NOL4: variants seen among roughly 807,000 people sequenced by gnomAD.
NOL4 encodes the protein nucleolar protein 4.
In NOL4, 17 loss-of-function variants were observed where a neutral mutation model predicts 75.9. The ratio of observed to expected loss-of-function variants is 0.22; its 90% CI spans 0.15 to 0.34. The LOEUF is 0.34. Ranked by LOEUF, NOL4 falls within the 10% of genes least tolerant of loss-of-function variation. The pLI, the probability that NOL4 is intolerant of heterozygous loss-of-function variation, is 1.00. For synonymous variants in NOL4, 292 were observed against 289.9 expected (o/e 1.01, Z -0.07); for missense variants, 614 against 793.5 (o/e 0.77, Z 2.72).
chr18:34,166,303 C>T (rs1183726776), intron 1 of NOL4, among the ~76,000 whole-genome samples: 1 of 152,002 alleles, frequency 6.6e-6, no homozygotes, highest in East Asian at 1.9e-4. Context: ...ATTAATAAAA[C>T]AATAAAAGAA....
intron 1 of NOL4, chr18:34,222,266 C>G (rs1266023769): frequency 7.4e-7 from 1 of 1,352,232 alleles, no homozygotes; most frequent in African/African-American, 1.5e-5. Flanking sequence ...CATTCGATAG[C>G]GCCTAAACCC....
At chr18:34,052,292 T>C (rs1305259589) in intron 5 of NOL4, among the ~76,000 whole-genome samples, 1 of 152,010 alleles carries the variant, frequency 6.6e-6, no homozygotes, top group Non-Finnish European at 1.5e-5. Flanking sequence ...GGTTGATCTA[T>C]AAAAGTAAAA....
At chr18:34,043,617 T>C (rs2076234706) in intron 5 of NOL4, among the ~76,000 whole-genome samples, 1 of 152,112 alleles carries the variant, frequency 6.6e-6, no homozygotes, top group Admixed American at 6.6e-5. Context: ...AAAATATTCC[T>C]TGATCTTTCT....
At chr18:33,976,218 A>G (rs1374314931) in intron 6 of NOL4, among the ~76,000 whole-genome samples, 5 of 152,180 alleles carry the variant, frequency 3.3e-5, no homozygotes, top group Non-Finnish European at 7.4e-5. Context: ...ACCGTCTCAC[A>G]GCACACAAGC....
intron 5 of NOL4, among the ~76,000 whole-genome samples, chr18:34,058,370 G>A (rs753543244): frequency 6.6e-6 from 1 of 152,098 alleles, no homozygotes; most frequent in African/African-American, 2.4e-5. Context: ...TCCTGACCTC[G>A]TGATCTGCCC....
At chr18:34,204,949 T>C (rs1160553350) in intron 1 of NOL4, among the ~76,000 whole-genome samples, 2 of 152,166 alleles carry the variant, frequency 1.3e-5, no homozygotes, top group Non-Finnish European at 2.9e-5. Flanking sequence ...ATTTCACATA[T>C]ATTGAGAAAA....
chr18:34,090,294 A>G (rs187825657), intron 5 of NOL4, among the ~76,000 whole-genome samples: 1 of 152,330 alleles, frequency 6.6e-6, no homozygotes, highest in East Asian at 1.9e-4. Flanking sequence ...AGCCAATGAA[A>G]GGAAAACTTT....
intron 9 of NOL4, among the ~76,000 whole-genome samples, chr18:33,886,862 T>C (rs2064715821): frequency 7.0e-6 from 1 of 143,304 alleles, no homozygotes; most frequent in Non-Finnish European, 1.5e-5. Flanking sequence ...TCTACATATA[T>C]CTATATACAT....
chr18:33,897,577 C>T (rs1054941614), intron 9 of NOL4, among the ~76,000 whole-genome samples: 7 of 151,944 alleles, frequency 4.6e-5, no homozygotes, highest in Admixed American at 4.6e-4. Context: ...AACTTAGGAA[C>T]ACAAAGAAGG....
intron 6 of NOL4, among the ~76,000 whole-genome samples, chr18:34,016,346 G>A (rs186062497): frequency 5.6e-4 from 85 of 151,978 alleles, no homozygotes; most frequent in African/African-American, 2.0e-3. Flanking sequence ...TCACCAAAAC[G>A]TTGCCAGAAT....
chr18:33,875,867 T>C (rs1469932310), intron 10 of NOL4, among the ~76,000 whole-genome samples: 1 of 152,014 alleles, frequency 6.6e-6, no homozygotes, highest in African/African-American at 2.4e-5. Context: ...ATATGTATAA[T>C]GGGAAATTTT....
intron 9 of NOL4, among the ~76,000 whole-genome samples, chr18:33,916,725 A>T (rs2066742776): frequency 6.6e-6 from 1 of 152,228 alleles, no homozygotes; most frequent in African/African-American, 2.4e-5. Flanking sequence ...ATTGCTAAAT[A>T]TAAATATTAT....
chr18:34,088,533 G>C (rs1019055579), intron 5 of NOL4, among the ~76,000 whole-genome samples: 3 of 151,982 alleles, frequency 2.0e-5, no homozygotes, highest in Non-Finnish European at 4.4e-5. Flanking sequence ...GTTAGTCCTC[G>C]AGATGCTTTT....
In NOL4 at chr18:33,940,942, A is replaced by G. The variant is rs1235575657; in HGVS notation, c.1542+2123T>C. ...TAATTATTTTTAGAAGTTTTTCTTC[A>G]GTGGGTAGAAAGTCTATGAAGTAAA... On this transcript the variant is annotated intron_variant, in intron 9 of 10. Coordinates refer to ENST00000261592, the MANE Select transcript of NOL4 (RefSeq NM_003787.5). 2.0e-5 allele frequency among the ~76,000 whole-genome samples: 3 copies of G among 151,984 alleles called. No homozygotes were observed. The East Asian group carries it at 5.8e-4, about 30-fold the overall frequency.
chr18:34,006,943 G>A lies in NOL4; in HGVS notation c.1056+12375C>T, dbSNP rs2074061164. Among the ~76,000 whole-genome samples the A allele has an allele frequency of 2.6e-5, 4 of 152,086 alleles. No homozygotes were observed. The East Asian group carries it at 7.8e-4, about 30-fold the overall frequency. On this transcript the variant is annotated intron_variant, in intron 6 of 10. Transcript: ENST00000261592. ...AGGATTTATGAGCCCAGGAATCAAG[G>A]AGTGAAAATGGGAGTGGTATCACTC... is the stretch of plus-strand genomic sequence containing the variant.
chr18:33,992,395 T>C (rs1041312524), intron 6 of NOL4, among the ~76,000 whole-genome samples: 1 of 152,022 alleles, frequency 6.6e-6, no homozygotes, highest in Non-Finnish European at 1.5e-5. Context: ...TGTAGACCCA[T>C]ACCTCAGCAA....
intron 9 of NOL4, among the ~76,000 whole-genome samples, chr18:33,935,940 A>C (rs558442017): frequency 2.0e-5 from 3 of 152,256 alleles, no homozygotes; most frequent in East Asian, 3.9e-4. Flanking sequence ...ATAAGTGTGG[A>C]CTGGCAGGCC....
intron 6 of NOL4, among the ~76,000 whole-genome samples, chr18:34,016,376 G>A (rs1219319819): frequency 2.6e-5 from 4 of 151,502 alleles, no homozygotes; most frequent in African/African-American, 9.7e-5. Context: ...AAAATTCCAA[G>A]CTGACCACAG....
chr18:34,090,331 A>T (rs1274165574), intron 5 of NOL4, among the ~76,000 whole-genome samples: 2 of 152,172 alleles, frequency 1.3e-5, no homozygotes, highest in Non-Finnish European at 2.9e-5. Context: ...ATTAATTAAT[A>T]TGGTATTTTC....
Sources: allele counts gnomAD v4.1 joint callset (sites outside exome capture counted in the v4.1 genomes callset), GRCh38; gene constraint gnomAD v4.1.1; transcripts MANE v1.5; gene names NCBI Gene and HGNC (gene_info 2026-07-23, HGNC 2026-07-21).